The following NOL4 variants were observed in gnomAD, a reference collection of about 807,000 sequenced individuals.
NOL4 encodes the protein cancer/testis antigen 125.
Under a neutral mutation model 75.9 loss-of-function variants are expected in NOL4, and 17 were observed. The ratio of observed to expected loss-of-function variants is 0.22; its 90% CI spans 0.15 to 0.34. NOL4 has a LOEUF of 0.34. Among genes scored for constraint, NOL4 ranks in the 10% least tolerant of loss-of-function variants. The probability of loss-of-function intolerance (pLI) is 1.00; values close to 1 mark genes in which losing one functional copy is unlikely to be tolerated. For missense variants in NOL4, 614 were observed against 793.5 expected (o/e 0.77, Z 2.72); for synonymous variants, 292 against 289.9 (o/e 1.01, Z -0.07).
chr18:33,857,013 A>C (rs1484891023), intron 10 of NOL4, among the ~76,000 whole-genome samples: 5 of 151,990 alleles, frequency 3.3e-5, no homozygotes, highest in Non-Finnish European at 7.4e-5. Flanking sequence ...TCTTTTTATA[A>C]ATTTTTTTCA....
intron 6 of NOL4, among the ~76,000 whole-genome samples, chr18:33,998,400 C>A (rs139277029): frequency 6.6e-6 from 1 of 152,062 alleles, no homozygotes; most frequent in Non-Finnish European, 1.5e-5. Context: ...CTCTTTTTCT[C>A]CATGAATGCT....
At chr18:33,934,862 G>GTT (rs869081039) in intron 9 of NOL4, among the ~76,000 whole-genome samples, 85 of 118,300 alleles carry the variant, frequency 7.2e-4, no homozygotes, top group Middle Eastern at 4.3e-3. Context: ...GGAGTAGCAC[G>GTT]TTTTTTTTTT....
At chr18:34,183,820 A>G (rs1480817622) in intron 1 of NOL4, among the ~76,000 whole-genome samples, 2 of 151,876 alleles carry the variant, frequency 1.3e-5, no homozygotes, top group Non-Finnish European at 2.9e-5. Flanking sequence ...TGTCTACAAA[A>G]AGGAAGAATG....
At chr18:33,945,761 A>G (rs964951399) in intron 8 of NOL4, among the ~76,000 whole-genome samples, 3 of 151,824 alleles carry the variant, frequency 2.0e-5, no homozygotes, top group Admixed American at 1.3e-4. Flanking sequence ...TCCCGTAGAT[A>G]AACAGTATAA....
rs544304110 is a variant in NOL4 at position 33,927,873 on chromosome 18, A to T, written c.1542+15192T>A. 8.5e-5 allele frequency among the ~76,000 whole-genome samples: 13 copies of T among 152,236 alleles called. No homozygotes were observed. In the East Asian group the frequency reaches 2.3e-3, roughly 27 times the overall value. Reference sequence around the variant, plus strand: ...AGTCTCACCATATGGACCACACGAGACATGTCACACATGACACACCGCTTC... The same window carrying T: ...AGTCTCACCATATGGACCACACGAGTCATGTCACACATGACACACCGCTTC... On this transcript the variant is annotated intron_variant, in intron 9 of 10. Transcript: ENST00000261592.
chr18:34,148,222 G>C (rs575695595), intron 1 of NOL4, among the ~76,000 whole-genome samples: 1 of 151,844 alleles, frequency 6.6e-6, no homozygotes, highest in Non-Finnish European at 1.5e-5. Context: ...CTTCAGTTCT[G>C]CTCTGATCTT....
intron 5 of NOL4, among the ~76,000 whole-genome samples, chr18:34,039,310 C>T (rs977577769): frequency 6.6e-6 from 1 of 151,870 alleles, no homozygotes; most frequent in African/African-American, 2.4e-5. Flanking sequence ...TTTTGACAAC[C>T]AGATCACTAC....
intron 4 of NOL4, among the ~76,000 whole-genome samples, chr18:34,096,062 C>T (rs1414728429): frequency 5.9e-5 from 9 of 151,930 alleles, no homozygotes; most frequent in Admixed American, 5.9e-4. Context: ...AAAACAGCCA[C>T]AGCATATTAT....
chr18:34,079,570 T>C (rs1159421198), intron 5 of NOL4, among the ~76,000 whole-genome samples: 1 of 152,040 alleles, frequency 6.6e-6, no homozygotes, highest in Non-Finnish European at 1.5e-5. Context: ...CTTGCTCCGA[T>C]CTTGTACCTT....
intron 6 of NOL4, among the ~76,000 whole-genome samples, chr18:33,962,174 T>G (rs1477331295): frequency 1.3e-5 from 2 of 152,146 alleles, no homozygotes; most frequent in East Asian, 3.9e-4. Flanking sequence ...GATCTCACTA[T>G]TACTGAAATT....
intron 1 of NOL4, among the ~76,000 whole-genome samples, chr18:34,191,065 A>C (rs1385243603): frequency 2.0e-5 from 3 of 152,158 alleles, no homozygotes; most frequent in African/African-American, 7.2e-5. Flanking sequence ...TAGAACAGAA[A>C]GTAGAAAGAC....
chr18:33,854,310 ATT>A (rs897996447), intron 10 of NOL4, among the ~76,000 whole-genome samples: 11 of 152,096 alleles, frequency 7.2e-5, no homozygotes, highest in Admixed American at 2.0e-4. Flanking sequence ...CTTCACTTGA[ATT>A]TAATTAGAGC....
At position 33,893,028 on chromosome 18, in the gene NOL4, T is replaced by G. The variant is rs1447731393; in HGVS notation, c.1543-9604A>C. ...CAAATTTTTTATAATATCATGAAAA[T>G]AAAATTGAATCAGTGAATGACCACA... is the stretch of plus-strand genomic sequence containing the variant. On this transcript the variant is annotated intron_variant, in intron 9 of 10. Transcript: ENST00000261592. Among the ~76,000 whole-genome samples the G allele has an allele frequency of 7.2e-5, 11 of 152,096 alleles. No individual in the cohort carries two copies. The South Asian group carries it at 2.3e-3, about 32-fold the overall frequency.
At chr18:33,986,120 A>G (rs1430233347) in intron 6 of NOL4, among the ~76,000 whole-genome samples, 1 of 152,164 alleles carries the variant, frequency 6.6e-6, no homozygotes, top group Admixed American at 6.6e-5. Context: ...GAACTTTCTA[A>G]TTATGTAAAT....
intron 8 of NOL4, among the ~76,000 whole-genome samples, chr18:33,945,298 T>C (rs2145598383): frequency 6.6e-6 from 1 of 151,808 alleles, no homozygotes; most frequent in East Asian, 1.9e-4. Flanking sequence ...AAATTAGGAA[T>C]ATATAAAGCT....
intron 1 of NOL4, among the ~76,000 whole-genome samples, chr18:34,139,643 G>T (rs190753456): frequency 1.1e-3 from 169 of 152,068 alleles, no homozygotes; most frequent in Non-Finnish European, 2.0e-3. Flanking sequence ...TGGATTCATT[G>T]ATTTTTTGGA....
At chr18:34,046,101 T>G (rs555979374) in intron 5 of NOL4, among the ~76,000 whole-genome samples, 1 of 152,290 alleles carries the variant, frequency 6.6e-6, no homozygotes, top group East Asian at 1.9e-4. Context: ...TTTTCTGTAC[T>G]CTGGTTTCCC....
chr18:34,190,040 A>G (rs376988455), intron 1 of NOL4, among the ~76,000 whole-genome samples: 1 of 148,830 alleles, frequency 6.7e-6, no homozygotes, highest in East Asian at 2.0e-4. Context: ...ATATTATTTT[A>G]TATATATTAC....
At chr18:34,127,663 T>G (rs780778046) in intron 2 of NOL4, among the ~76,000 whole-genome samples, 5 of 151,920 alleles carry the variant, frequency 3.3e-5, no homozygotes, top group Admixed American at 6.6e-5. Flanking sequence ...AATTGAACAC[T>G]TACATCAAAT....
Sources: allele counts gnomAD v4.1 joint callset (sites outside exome capture counted in the v4.1 genomes callset), GRCh38; gene constraint gnomAD v4.1.1; transcripts MANE v1.5; gene names NCBI Gene and HGNC (gene_info 2026-07-23, HGNC 2026-07-21).